The following AP5Z1 variants were observed in gnomAD, a reference collection of about 807,000 sequenced individuals.
AP5Z1 encodes the protein adaptor related protein complex 5 subunit zeta 1.
Under a neutral mutation model 83.0 loss-of-function variants are expected in AP5Z1, and 106 were observed. The ratio of observed to expected loss-of-function variants is 1.28; its 90% CI spans 1.09 to 1.50. The LOEUF is 1.50. AP5Z1 is among the 40% of genes most tolerant of loss of function. The pLI, the probability that AP5Z1 is intolerant of heterozygous loss-of-function variation, is 0.00. For synonymous variants in AP5Z1, 751 were observed against 514.1 expected (o/e 1.46, Z -6.23); for missense variants, 1,565 against 1,094.2 (o/e 1.43, Z -6.07).
chr7:4,787,873 C>CTCCTGA, intron 11 of AP5Z1, 97 bp downstream of exon 11: 1 of 1,390,626 alleles, frequency 7.2e-7, no homozygotes, highest in Non-Finnish European at 9.6e-7. Flanking sequence ...ACACCGGGGA[C>CTCCTGA]CCTCCTTCTT....
Position 4,790,512 on chromosome 7 carries a change from T to G in AP5Z1, c.1859T>G (p.Val620Gly). ...TGTACGCTGAAACCCTCCCTGGTGGTGGAGCTGGCAAGAGACCTGCTGGAG... is the reference window on the plus strand; with the variant it reads ...TGTACGCTGAAACCCTCCCTGGTGGGGGAGCTGGCAAGAGACCTGCTGGAG... ...ALCTLKPSLV[V>G]ELARDLLEFL... Residue 620 changes from valine (V) to glycine (G), a missense_variant, in exon 15 of 17, where the codon GTG becomes GGG. Physicochemically the swap from Val to Gly is moderately radical, Grantham distance 109 (BLOSUM62 -3). Coordinates refer to ENST00000649063, the MANE Select transcript of AP5Z1 (RefSeq NM_014855.3). 5.6e-6 allele frequency: 9 copies of G among 1,613,114 alleles called. No individual in the cohort carries two copies. Among genetic ancestry groups the G allele is most frequent in the Non-Finnish European group, 7.6e-6 (9 of 1,179,850 alleles).
At chr7:4,786,536 CTG>C (rs1453621557) in intron 10 of AP5Z1, 108 bp downstream of exon 10, 19 of 1,293,002 alleles carry the variant, frequency 1.5e-5, no homozygotes, top group Non-Finnish European at 2.1e-5. Context: ...GCATAGAGCC[CTG>C]TGAGTCCCGG....
intron 1 of AP5Z1, among the ~76,000 whole-genome samples, chr7:4,780,452 C>G (rs1362098492): frequency 2.0e-5 from 3 of 146,398 alleles, no homozygotes; most frequent in East Asian, 2.0e-4. Flanking sequence ...AACCCCGTCT[C>G]TACTAAAAAT....
At chr7:4,788,350 C>T (rs1583237596) in intron 12 of AP5Z1, 56 bp downstream of exon 12, 2 of 1,508,868 alleles carry the variant, frequency 1.3e-6, no homozygotes, top group South Asian at 1.3e-5. Context: ...CGGCCACAGC[C>T]ACTGGGGTGG....
chr7:4,788,397 T>G lies in AP5Z1; in HGVS notation c.1595+103T>G, dbSNP rs80144866. 6,640 of 1,351,070 alleles carry G rather than the reference T, an allele frequency of 4.9e-3. 242 individuals are homozygous for G. The African/African-American group carries it at 0.083, about 17-fold the overall frequency. 83.7% of individuals were successfully genotyped at this position (1,351,070 alleles called of 1,614,324 possible). ...CAGCCCTAGGCTGAGGCCAGGGTGCTTTGTGTCCCACACAAGGCTGCGTCC... is the reference window on the plus strand; with the variant it reads ...CAGCCCTAGGCTGAGGCCAGGGTGCGTTGTGTCCCACACAAGGCTGCGTCC... On this transcript the variant is annotated intron_variant, in intron 12 of 16. Transcript: ENST00000649063.
chr7:4,790,966 T>C, intron 16 of AP5Z1, 79 bp downstream of exon 16: 1 of 1,488,796 alleles, frequency 6.7e-7, no homozygotes. Flanking sequence ...CATCCAGGTG[T>C]TGTGAAATGG....
intron 10 of AP5Z1, 108 bp downstream of exon 10, chr7:4,786,536 C>CGGGACTCACAGGGCTCTA: frequency 7.7e-7 from 1 of 1,293,116 alleles, no homozygotes; most frequent in Non-Finnish European, 1.1e-6. Context: ...GCATAGAGCC[C>CGGGACTCACAGGGCTCTA]TGTGAGTCCC....
Position 4,786,390 on chromosome 7 carries a change from C to G in AP5Z1, c.1273C>G (p.Leu425Val). The change falls in exon 10 of 17, where the codon CTC becomes GTC. Residue 425 changes from leucine to valine, a missense_variant. Transcript: ENST00000649063. ...RDNLHLFSGH[L>V]STLRLSFPNL... The stretch of plus-strand genomic sequence containing the variant: ...CAACCTCCACCTGTTCAGCGGGCAC[C>G]TCAGCACCCTCAGATTGAGCTTCCC... 1 of 1,613,936 alleles carries G rather than the reference C, an allele frequency of 6.2e-7. No homozygotes were observed. The highest frequency in any genetic ancestry group is 8.5e-7 in the Non-Finnish European group (1 of 1,179,870).
In AP5Z1 at chr7:4,781,311, AGGT is replaced by A; in HGVS notation, c.179+1_179+3del. Reference sequence around the variant, plus strand: ...CATCTCAGCCACGAAGTACAGCCGGAGGTGAGTGTGGCGACGGCTCAGGCCGGC... The same window carrying A: ...CATCTCAGCCACGAAGTACAGCCGGAGAGTGTGGCGACGGCTCAGGCCGGC... On this transcript the variant is annotated splice_donor_variant and coding_sequence_variant, in exon 2 of 17. Transcript: ENST00000649063. LOFTEE classifies it high-confidence loss of function. The A allele has an allele frequency of 6.2e-7, 1 of 1,613,264 alleles. No individual in the cohort carries two copies. Among genetic ancestry groups the A allele is most frequent in the Non-Finnish European group, 8.5e-7 (1 of 1,179,826 alleles).
rs199938753 is a variant in AP5Z1, at chr7:4,788,877, G to A, written c.1633G>A (p.Gly545Ser). The A allele has an allele frequency of 9.9e-6, 16 of 1,610,006 alleles. No homozygotes were observed. Among genetic ancestry groups the A allele is most frequent in the East Asian group, 4.5e-5 (2 of 44,808 alleles). ...PLHQLLQPMAGCARVAQCAQA... is the reference protein window; with the variant it reads ...PLHQLLQPMASCARVAQCAQA... Reference sequence around the variant, plus strand: ...CCACCAGCTGCTGCAGCCCATGGCCGGCTGTGCCCGCGTGGCCCAGTGTGC... The same window carrying A: ...CCACCAGCTGCTGCAGCCCATGGCCAGCTGTGCCCGCGTGGCCCAGTGTGC... The change falls in exon 13 of 17, where the codon GGC (glycine) becomes AGC (serine). Residue 545 changes from glycine to serine, a missense_variant. Gly to Ser is a moderately conservative substitution (Grantham distance 56, BLOSUM62 0). Transcript: ENST00000649063.
rs936490748 is a variant in AP5Z1 at position 4,788,352 on chromosome 7, C to G, written c.1595+58C>G. 7.7e-5 allele frequency: 116 copies of G among 1,506,692 alleles called. 1 individual carries two copies. In the Middle Eastern group the frequency reaches 2.9e-3, roughly 37 times the overall value. The allele number at this position is 1,506,692 out of a possible 1,614,324, so 93.3% of individuals were successfully genotyped here. A position where few individuals can be genotyped will look rare whatever the true frequency, so the allele number is the denominator to read the frequency against. On this transcript the variant is annotated intron_variant, in intron 12 of 16. Transcript: ENST00000649063. ...GGCTCAGAGAGCCCGGCCACAGCCA[C>G]TGGGGTGGGGCTCACTGCTCAGCCC...
chr7:4,783,174 C>T (rs541315268), intron 3 of AP5Z1, 142 bp from the exon 4 acceptor site: 910 of 1,296,660 alleles, frequency 7.0e-4, no homozygotes, highest in Non-Finnish European at 9.2e-4. Flanking sequence ...GGTGGGCCTG[C>T]GCGGGACATC....
chr7:4,788,433 C>T (rs1781629934), intron 12 of AP5Z1, 139 bp downstream of exon 12: 3 of 1,116,288 alleles, frequency 2.7e-6, no homozygotes, highest in Admixed American at 3.0e-5. Context: ...CCGTCATCAC[C>T]ATTATAGAGG....
In AP5Z1 at chr7:4,785,760, CTTTTTTTTTT is replaced by C. The variant is rs74274130; in HGVS notation, c.1132+87_1132+96del. 8.8e-6 allele frequency: 10 copies of C among 1,140,590 alleles called. No individual in the cohort carries two copies. In the South Asian group the frequency reaches 1.1e-4, roughly 12 times the overall value. The allele number at this position is 1,140,590 out of a possible 1,614,324, so 70.7% of individuals were successfully genotyped here. A position where few individuals can be genotyped will look rare whatever the true frequency, so the allele number is the denominator to read the frequency against. On this transcript the variant is annotated intron_variant, in intron 9 of 16. Coordinates refer to ENST00000649063, the MANE Select transcript of AP5Z1 (RefSeq NM_014855.3). ...GTTTTAGGATGGAATTTCTTCTTCC[CTTTTTTTTTT>C]TTTTTTTTTTGATTGAATAGAGACA...
intron 2 of AP5Z1, 84 bp downstream of exon 2, chr7:4,781,396 G>T: frequency 6.3e-7 from 1 of 1,593,098 alleles, no homozygotes; most frequent in Non-Finnish European, 8.6e-7. Context: ...CACTGCAGAT[G>T]CTCCTTGGGG....
At chr7:4,779,937 G>A (rs965627961) in intron 1 of AP5Z1, among the ~76,000 whole-genome samples, 3 of 151,992 alleles carry the variant, frequency 2.0e-5, no homozygotes, top group Non-Finnish European at 2.9e-5. Context: ...GCCACCGTGC[G>A]TGGCCGAATT....
rs1370359473 is a variant in AP5Z1, at chr7:4,793,709, A to T, written c.*2324A>T. On this transcript the variant is annotated 3_prime_UTR_variant, in exon 17 of 17. Transcript: ENST00000649063. ...TGTGCTCGATTTCTCACTGGGCCTT[A>T]GCTGCCTTCCTGCGGGGCAGGGCTG... 2 of 153,484 alleles carry T rather than the reference A, an allele frequency of 1.3e-5. No individual in the cohort carries two copies. The highest frequency in any genetic ancestry group is 1.4e-5 in the Non-Finnish European group (1 of 69,060). 9.5% of individuals were successfully genotyped at this position (153,484 alleles called of 1,614,324 possible).
chr7:4,791,581 T>C lies in AP5Z1; in HGVS notation c.*196T>C. 1 of 805,774 alleles carries C rather than the reference T, an allele frequency of 1.2e-6. No individual in the cohort carries two copies. Among genetic ancestry groups the C allele is most frequent in the Non-Finnish European group, 1.9e-6 (1 of 526,530 alleles). 49.9% of individuals were successfully genotyped at this position (805,774 alleles called of 1,614,324 possible). A position where few individuals can be genotyped will look rare whatever the true frequency, so the allele number is the denominator to read the frequency against. ...CCTCTGGGCTTTGTCTCCGAGCCTTTTGCTCCCAGGCAACACTGAGCTGAG... is the reference window on the plus strand; with the variant it reads ...CCTCTGGGCTTTGTCTCCGAGCCTTCTGCTCCCAGGCAACACTGAGCTGAG... On this transcript the variant is annotated 3_prime_UTR_variant, in exon 17 of 17. Coordinates refer to ENST00000649063, the MANE Select transcript of AP5Z1 (RefSeq NM_014855.3).
Position 4,785,515 on chromosome 7 carries a change from C to A in AP5Z1, c.970-7C>A. The stretch of plus-strand genomic sequence containing the variant: ...TCGGCCCATTTGATGTGGTCCATGT[C>A]CCGCAGTGCCTGGTGGAGGCCGTGC... On this transcript the variant is annotated splice_polypyrimidine_tract_variant and splice_region_variant and intron_variant, in intron 8 of 16. Coordinates refer to ENST00000649063, the MANE Select transcript of AP5Z1 (RefSeq NM_014855.3). 2 of 1,613,388 alleles carry A rather than the reference C, an allele frequency of 1.2e-6. No homozygotes were observed. The highest frequency in any genetic ancestry group is 1.7e-6 in the Non-Finnish European group (2 of 1,179,736).
Sources: gnomAD v4.1 joint callset for allele counts (sites outside exome capture counted in the v4.1 genomes callset) on GRCh38, gnomAD v4.1.1 for gene constraint, MANE v1.5 for transcripts, NCBI Gene and HGNC (gene_info 2026-07-23, HGNC 2026-07-21) for gene names.